NR1I2: variants seen among roughly 807,000 people sequenced by gnomAD.
The protein encoded by NR1I2 is orphan nuclear receptor PAR1.
A neutral mutation model predicts 43.3 loss-of-function variants in NR1I2; 42 were observed. The observed-to-expected ratio is 0.97, with a 90% confidence interval of 0.76 to 1.26. The LOEUF (loss-of-function observed/expected upper bound fraction) is 1.26, where lower values mean the gene tolerates loss of function less well. Ranked by LOEUF, NR1I2 falls within the 50% of genes most tolerant of loss-of-function variation. NR1I2 has a pLI of 0.00. For missense variants in NR1I2, 559 were observed against 566.7 expected (o/e 0.99, Z 0.14); for synonymous variants, 229 against 215.0 (o/e 1.06, Z -0.57).
At chr3:119,796,529 C>G (rs2055002035) in intron 1 of NR1I2, among the ~76,000 whole-genome samples, 1 of 152,240 alleles carries the variant, frequency 6.6e-6, no homozygotes, top group Non-Finnish European at 1.5e-5. Flanking sequence ...TCCCTTCCCT[C>G]CCAACCCTAT....
intron 8 of NR1I2, 61 bp from the exon 9 acceptor site, chr3:119,817,007 C>T: frequency 1.9e-6 from 3 of 1,609,578 alleles, no homozygotes; most frequent in South Asian, 1.1e-5. Context: ...CTCAGAGCAG[C>T]CCTGAGGCTT....
intron 4 of NR1I2, among the ~76,000 whole-genome samples, chr3:119,812,109 A>C (rs1326973234): frequency 1.3e-5 from 2 of 151,950 alleles, no homozygotes; most frequent in East Asian, 3.9e-4. Context: ...AAAGCTAGGC[A>C]GTTCCCCAGT....
At chr3:119,789,565 C>G (rs958471965) in intron 1 of NR1I2, among the ~76,000 whole-genome samples, 1 of 152,234 alleles carries the variant, frequency 6.6e-6, no homozygotes, top group Admixed American at 6.5e-5. Context: ...AGGTCCCTCC[C>G]ACATATGTAG....
intron 1 of NR1I2, among the ~76,000 whole-genome samples, chr3:119,787,833 A>G (rs928096498): frequency 6.6e-6 from 1 of 152,046 alleles, no homozygotes; most frequent in Admixed American, 6.6e-5. Context: ...ATATGTATGT[A>G]TACACACACA....
At chr3:119,811,868 A>G in intron 4 of NR1I2, 142 bp downstream of exon 4, 1 of 840,824 alleles carries the variant, frequency 1.2e-6, no homozygotes, top group Non-Finnish European at 1.9e-6. Context: ...CTGGTCCTGC[A>G]TCTGTGCTAG....
intron 1 of NR1I2, among the ~76,000 whole-genome samples, chr3:119,803,773 T>G (rs1378332844): frequency 6.6e-6 from 1 of 152,120 alleles, no homozygotes; most frequent in Non-Finnish European, 1.5e-5. Flanking sequence ...TTTTTTTTTT[T>G]TTGAGACAGA....
rs1460731546 is a variant in NR1I2 at position 119,782,683 on chromosome 3, G to A, written c.-23+383G>A. The A allele has an allele frequency of 5.5e-6, 6 of 1,087,486 alleles. No individual in the cohort carries two copies. The Admixed American group carries it at 7.0e-5, about 13-fold the overall frequency. The allele number at this position is 1,087,486 out of a possible 1,614,324, so 67.4% of individuals were successfully genotyped here. On this transcript the variant is annotated intron_variant, in intron 1 of 8. Coordinates refer to ENST00000393716, the MANE Select transcript of NR1I2 (RefSeq NM_003889.4). ...GTGGGAGCTGGGGACTATGGGAACT[G>A]GGATCAACTCAGTCCTGATTCCTTT...
chr3:119,792,299 C>A, intron 1 of NR1I2: 1 of 1,467,356 alleles, frequency 6.8e-7, no homozygotes, highest in Non-Finnish European at 9.4e-7. Context: ...GAGCAGCCAC[C>A]TTTGGGCTCA....
At chr3:119,798,973 T>G (rs1447076160) in intron 1 of NR1I2, among the ~76,000 whole-genome samples, 1 of 152,224 alleles carries the variant, frequency 6.6e-6, no homozygotes, top group African/African-American at 2.4e-5. Context: ...GGTCGGGTTT[T>G]GGGCTATTAT....
chr3:119,790,437 T>G (rs1678551800), intron 1 of NR1I2, among the ~76,000 whole-genome samples: 1 of 152,244 alleles, frequency 6.6e-6, no homozygotes, highest in South Asian at 2.1e-4. Context: ...AAATGGTTGC[T>G]GAATTATATG....
chr3:119,815,943 C>T, intron 8 of NR1I2, 112 bp downstream of exon 8: 1 of 838,456 alleles, frequency 1.2e-6, no homozygotes. Flanking sequence ...TAGCCCCAGC[C>T]AGACCAGGTC....
intron 3 of NR1I2, 66 bp from the exon 4 acceptor site, chr3:119,811,473 G>T (rs1255526069): frequency 1.3e-5 from 19 of 1,483,140 alleles, no homozygotes; most frequent in Non-Finnish European, 1.6e-5. Context: ...TTACACAGTG[G>T]CTCTCCAGGG....
In NR1I2 at chr3:119,817,911, C is replaced by T; in HGVS notation, c.*699C>T. On this transcript the variant is annotated 3_prime_UTR_variant, in exon 9 of 9. Transcript: ENST00000393716. Reference sequence around the variant, plus strand: ...TGCTGTGGGGTATACAGCATTGACTCAGATATAGATCCTGAGCTCACAGAG... The same window carrying T: ...TGCTGTGGGGTATACAGCATTGACTTAGATATAGATCCTGAGCTCACAGAG... 1.0e-6 allele frequency: 1 copy of T among 983,474 alleles called. No homozygotes were observed. The highest frequency in any genetic ancestry group is 1.2e-6 in the Non-Finnish European group (1 of 828,038). 60.9% of individuals were successfully genotyped at this position (983,474 alleles called of 1,614,324 possible).
chr3:119,788,328 G>A (rs563361880), intron 1 of NR1I2, among the ~76,000 whole-genome samples: 98 of 151,888 alleles, frequency 6.5e-4, no homozygotes, highest in African/African-American at 2.2e-3. Flanking sequence ...TTGTTGCCCA[G>A]GTTCATCTGA....
At chr3:119,794,181 T>TTTTG (rs968111165) in intron 1 of NR1I2, among the ~76,000 whole-genome samples, 5 of 151,552 alleles carry the variant, frequency 3.3e-5, no homozygotes, top group African/African-American at 9.7e-5. Flanking sequence ...GGCTGAGTTT[T>TTTTG]TTTGTTTGTT....
At chr3:119,789,186 A>C (rs537182173) in intron 1 of NR1I2, among the ~76,000 whole-genome samples, 4 of 152,326 alleles carry the variant, frequency 2.6e-5, no homozygotes, top group African/African-American at 9.6e-5. Context: ...TAGAGATTAA[A>C]ATGTAGTTCA....
chr3:119,783,038 G>A (rs982446037), intron 1 of NR1I2, among the ~76,000 whole-genome samples: 1 of 152,118 alleles, frequency 6.6e-6, no homozygotes, highest in Admixed American at 6.5e-5. Context: ...ACACCTCTGA[G>A]GCCACTGAGT....
At chr3:119,812,291 T>C (rs144312301) in intron 4 of NR1I2, among the ~76,000 whole-genome samples, 299 of 152,248 alleles carry the variant, frequency 2.0e-3, no homozygotes, top group African/African-American at 7.0e-3. Context: ...CCCAAATAAC[T>C]GGATTAGCCC....
Position 119,807,283 on chromosome 3 carries a change from T to C in NR1I2, c.33T>C (p.His11=). The C allele has an allele frequency of 6.2e-7, 1 of 1,614,210 alleles. No homozygotes were observed. Among genetic ancestry groups the C allele is most frequent in the Non-Finnish European group, 8.5e-7 (1 of 1,180,032 alleles). Residue 11 remains histidine (H), a synonymous_variant, in exon 2 of 9, where the codon CAT becomes CAC. Coordinates refer to ENST00000393716, the MANE Select transcript of NR1I2 (RefSeq NM_003889.4). ...TGAGACCCAAAGAAAGCTGGAACCA[T>C]GCTGACTTTGTACACTGTGAGGACA...
Sources: allele counts gnomAD v4.1 joint callset (sites outside exome capture counted in the v4.1 genomes callset), GRCh38; gene constraint gnomAD v4.1.1; transcripts MANE v1.5; gene names NCBI Gene and HGNC (gene_info 2026-07-23, HGNC 2026-07-21).